RLN2: variants seen among roughly 807,000 people sequenced by gnomAD.
RLN2 encodes the protein prorelaxin H2.
A neutral mutation model predicts 7.3 loss-of-function variants in RLN2; 10 were observed. The ratio of observed to expected loss-of-function variants is 1.36; its 90% CI spans 0.84 to 2.31. RLN2 has a LOEUF of 2.31. Among genes scored for constraint, RLN2 ranks in the 30% most tolerant of loss-of-function variants. RLN2 has a pLI of 0.00. For synonymous variants in RLN2, 103 were observed against 82.3 expected (o/e 1.25, Z -1.36); for missense variants, 298 against 217.6 (o/e 1.37, Z -2.32).
the RLN2 span, among the ~76,000 whole-genome samples, chr9:5,331,721 A>T: frequency 6.6e-6 from 1 of 151,988 alleles, no homozygotes; most frequent in Non-Finnish European, 1.5e-5. Flanking sequence ...AATACAAATG[A>T]TGAGTTGATG....
Position 5,304,699 on chromosome 9 carries a change from G to T in RLN2, c.-119C>A. The T allele has an allele frequency of 1.0e-6, 1 of 994,096 alleles. No individual in the cohort carries two copies. The highest frequency in any genetic ancestry group is 1.5e-5 in the South Asian group (1 of 65,950). 61.6% of individuals were successfully genotyped at this position (994,096 alleles called of 1,614,324 possible). A position where few individuals can be genotyped will look rare whatever the true frequency, so the allele number is the denominator to read the frequency against. On this transcript the variant is annotated 5_prime_UTR_variant, in exon 1 of 2. Transcript: ENST00000381627. ...GGGCTTTAGGCTGCTTTCCCTACCC[G>T]GCTCAAGCGGTCTTTTGTATCCCTT...
the RLN2 span, among the ~76,000 whole-genome samples, chr9:5,320,149 C>G: frequency 5.3e-4 from 81 of 151,790 alleles, no homozygotes; most frequent in African/African-American, 1.9e-3. Flanking sequence ...CCACATCTGG[C>G]TAATTTTTGT....
chr9:5,300,192 G>A lies in RLN2; in HGVS notation c.464C>T (p.Thr155Ile). The change falls in exon 2 of 2, where the codon ACT (threonine) becomes ATT (isoleucine). Residue 155 changes from threonine (T) to isoleucine (I), a missense_variant. Transcript: ENST00000381627. ...GAGTTGTCTCTTTTTTCGAGAATGA[G>A]TATCCAAGCCTAAGTATTTTAATTC... ...PSELKYLGLD[T>I]HSRKKRQLYS... 1 of 1,613,760 alleles carries A rather than the reference G, an allele frequency of 6.2e-7. No individual in the cohort carries two copies. The highest frequency in any genetic ancestry group is 8.5e-7 in the Non-Finnish European group (1 of 1,179,836).
chr9:5,311,819 ATTT>A, the RLN2 span: 4 of 632,962 alleles, frequency 6.3e-6, no homozygotes, highest in African/African-American at 5.8e-5. Context: ...TTTTTTTAGT[ATTT>A]TTTTTCTTTT....
the RLN2 span, among the ~76,000 whole-genome samples, chr9:5,325,630 A>G: frequency 1.3e-5 from 2 of 152,226 alleles, no homozygotes; most frequent in South Asian, 4.1e-4. Flanking sequence ...ATATCTTTTA[A>G]GCAGAGCCTT....
At position 5,300,139 on chromosome 9, in the gene RLN2, G is replaced by A; in HGVS notation, c.517C>T (p.His173Tyr). 1 of 1,604,878 alleles carries A rather than the reference G, an allele frequency of 6.2e-7. No individual in the cohort carries two copies. The highest frequency in any genetic ancestry group is 1.1e-5 in the South Asian group (1 of 88,200). The change falls in exon 2 of 2, where the codon CAT (histidine) becomes TAT (tyrosine). Residue 173 changes from histidine to tyrosine, a missense_variant. Physicochemically the swap from His to Tyr is moderately conservative, Grantham distance 83 (BLOSUM62 2). Coordinates refer to ENST00000381627, the MANE Select transcript of RLN2 (RefSeq NM_134441.3). ...AGAGATCTTTTGGTACAACCAACAT[G>A]GCAACATTTATTAGCCAATGCACTG... is the stretch of plus-strand genomic sequence containing the variant. The part of the protein sequence containing the change: ...LYSALANKCC[H>Y]VGCTKRSLAR...
In RLN2 at chr9:5,300,084, C is replaced by CAAGG; in HGVS notation, c.*13_*14insCCTT. On this transcript the variant is annotated 3_prime_UTR_variant, in exon 2 of 2. Transcript: ENST00000381627. ...GTGTGAATATTATACGAGATGTGCA[C>CAAGG]AATTAGCTTCATCTCAGCAAAATCT... The CAAGG allele has an allele frequency of 6.6e-7, 1 of 1,508,514 alleles. No homozygotes were observed. Among genetic ancestry groups the CAAGG allele is most frequent in the Non-Finnish European group, 9.1e-7 (1 of 1,100,044 alleles). 93.4% of individuals were successfully genotyped at this position (1,508,514 alleles called of 1,614,324 possible). A position where few individuals can be genotyped will look rare whatever the true frequency, so the allele number is the denominator to read the frequency against.
At chr9:5,302,138 G>T (rs1271593888) in intron 1 of RLN2, among the ~76,000 whole-genome samples, 1 of 152,128 alleles carries the variant, frequency 6.6e-6, no homozygotes, top group Non-Finnish European at 1.5e-5. Context: ...TATTAGGTTT[G>T]TTCATAGGCT....
the RLN2 span, among the ~76,000 whole-genome samples, chr9:5,331,830 AAAAT>A: frequency 8.5e-5 from 13 of 152,184 alleles, no homozygotes; most frequent in Admixed American, 3.9e-4. Context: ...CAAACAAAGA[AAAAT>A]AAATAAATAA....
intron 1 of RLN2, among the ~76,000 whole-genome samples, chr9:5,302,020 C>T (rs1391305055): frequency 1.3e-5 from 2 of 152,156 alleles, no homozygotes; most frequent in African/African-American, 2.4e-5. Flanking sequence ...TTTGATCCAA[C>T]CTAAACTTTC....
chr9:5,324,590 C>T, the RLN2 span, among the ~76,000 whole-genome samples: 3 of 151,906 alleles, frequency 2.0e-5, no homozygotes, highest in South Asian at 4.2e-4. Flanking sequence ...ACATCATAAA[C>T]CTACCAAACA....
At chr9:5,300,970 G>A (rs192515003) in intron 1 of RLN2, among the ~76,000 whole-genome samples, 5 of 152,264 alleles carry the variant, frequency 3.3e-5, no homozygotes, top group Middle Eastern at 3.4e-3. Context: ...CAACACCTCT[G>A]ATCTAATCAG....
the RLN2 span, among the ~76,000 whole-genome samples, chr9:5,313,780 C>T: frequency 6.6e-6 from 1 of 151,844 alleles, no homozygotes; most frequent in Non-Finnish European, 1.5e-5. Context: ...CAAAGATAGC[C>T]AAAACAATAA....
At chr9:5,318,396 G>GT in the RLN2 span, among the ~76,000 whole-genome samples, 1 of 151,706 alleles carries the variant, frequency 6.6e-6, no homozygotes, top group Non-Finnish European at 1.5e-5. Flanking sequence ...CCTCTTGGTG[G>GT]TTTTTTTCTA....
chr9:5,305,768 C>T (rs1319504731), upstream of RLN2, among the ~76,000 whole-genome samples: 1 of 151,986 alleles, frequency 6.6e-6, no homozygotes, highest in Non-Finnish European at 1.5e-5. Context: ...AAAAGAATAA[C>T]AATCTCTTAG....
the RLN2 span, among the ~76,000 whole-genome samples, chr9:5,329,252 G>C: frequency 7.0e-6 from 1 of 143,258 alleles, no homozygotes; most frequent in Non-Finnish European, 1.5e-5. Flanking sequence ...GCAGTGAGCC[G>C]AGATTGCACC....
At chr9:5,320,009 G>C in the RLN2 span, among the ~76,000 whole-genome samples, 1 of 148,062 alleles carries the variant, frequency 6.8e-6, no homozygotes, top group Non-Finnish European at 1.5e-5. Context: ...TTTTTAAGAC[G>C]GAGTATCACT....
At chr9:5,334,176 C>G in the RLN2 span, among the ~76,000 whole-genome samples, 1 of 151,948 alleles carries the variant, frequency 6.6e-6, no homozygotes, top group Non-Finnish European at 1.5e-5. Context: ...CCAGGTCAGT[C>G]AGGCAAGAGA....
At chr9:5,316,976 A>G in the RLN2 span, among the ~76,000 whole-genome samples, 1 of 152,028 alleles carries the variant, frequency 6.6e-6, no homozygotes, top group East Asian at 1.9e-4. Flanking sequence ...GAGTTGTTGT[A>G]TGGGATTGAA....
Sources: gnomAD v4.1 joint callset for allele counts (sites outside exome capture counted in the v4.1 genomes callset) on GRCh38, gnomAD v4.1.1 for gene constraint, MANE v1.5 for transcripts, NCBI Gene and HGNC (gene_info 2026-07-23, HGNC 2026-07-21) for gene names.